Variants in SATB2 observed in about 807,000 individuals in gnomAD.
SATB2 encodes SATB homeobox 2.
A neutral mutation model predicts 73.4 loss-of-function variants in SATB2; 1 was observed. The ratio of observed to expected loss-of-function variants is 0.01; its 90% CI spans 0.00 to 0.06. The LOEUF (loss-of-function observed/expected upper bound fraction) is 0.06. Among genes scored for constraint, SATB2 ranks in the 10% least tolerant of loss-of-function variants. The pLI is 1.00. For missense variants in SATB2, 459 were observed against 945.8 expected (o/e 0.49, Z 6.75); for synonymous variants, 397 against 367.0 (o/e 1.08, Z -0.93).
chr2:199,415,323 TA>T (rs1389518610), intron 3 of SATB2, among the ~76,000 whole-genome samples: 5 of 152,188 alleles, frequency 3.3e-5, no homozygotes, highest in African/African-American at 4.8e-5. Flanking sequence ...TAAAACAAAG[TA>T]ACTGTTGTAC....
At chr2:199,276,373 GT>G (rs1222009074) in intron 10 of SATB2, among the ~76,000 whole-genome samples, 10 of 152,058 alleles carry the variant, frequency 6.6e-5, no homozygotes, top group Admixed American at 6.6e-4. Flanking sequence ...GTTTTGTTTT[GT>G]TTTTTGTCTG....
chr2:199,282,901 C>T (rs1004974483), intron 10 of SATB2, among the ~76,000 whole-genome samples: 1 of 152,148 alleles, frequency 6.6e-6, no homozygotes, highest in Non-Finnish European at 1.5e-5. Context: ...GCATATGTTA[C>T]ATGAAATTGA....
intron 6 of SATB2, among the ~76,000 whole-genome samples, chr2:199,366,588 T>A (rs1446752187): frequency 6.6e-6 from 1 of 152,020 alleles, no homozygotes; most frequent in Non-Finnish European, 1.5e-5. Context: ...GCAGCTTGTG[T>A]TTACTTCACA....
chr2:199,272,665 T>A lies in SATB2; in HGVS notation c.1748A>T (p.His583Leu). The A allele has an allele frequency of 6.2e-7, 1 of 1,613,934 alleles. No individual in the cohort carries two copies. The highest frequency in any genetic ancestry group is 8.5e-7 in the Non-Finnish European group (1 of 1,179,830). The stretch of plus-strand genomic sequence containing the variant: ...CTTGGCTGGCTGAGACTGCTGTCTA[T>A]GAAGTACCTGATAATTAAGAGAGAA... ...QLPPEPVQVLHRQQSQPAKES... is the reference protein window; with the variant it reads ...QLPPEPVQVLLRQQSQPAKES... Residue 583 changes from histidine to leucine, a missense_variant, in exon 11 of 11, where the codon CAT (histidine) becomes CTT (leucine). Physicochemically the swap from His to Leu is moderately conservative, Grantham distance 99 (BLOSUM62 -3). Coordinates refer to ENST00000417098, the MANE Select transcript of SATB2 (RefSeq NM_001172509.2). This position sits in a 1 kb window ranked among gnomAD's most constrained non-coding sequence, Gnocchi z 6.7.
chr2:199,361,021 T>C (rs1029870646), intron 6 of SATB2, among the ~76,000 whole-genome samples: 5 of 152,112 alleles, frequency 3.3e-5, no homozygotes, highest in African/African-American at 1.2e-4. Context: ...CCTGGCCCTT[T>C]TCCTCTCAAA....
chr2:199,427,332 CA>C (rs898153540), intron 3 of SATB2, among the ~76,000 whole-genome samples: 19 of 144,828 alleles, frequency 1.3e-4, no homozygotes, highest in African/African-American at 3.8e-4. Flanking sequence ...CCCATAGATT[CA>C]AAAAAAAAAT....
At chr2:199,356,225 C>CAAAAAAAAAAACA in intron 6 of SATB2, among the ~76,000 whole-genome samples, 1 of 100,978 alleles carries the variant, frequency 9.9e-6, no homozygotes, top group Non-Finnish European at 1.8e-5. Context: ...GAACATAAGC[C>CAAAAAAAAAAACA]AAAAAAAAAA....
At chr2:199,318,867 A>G (rs1488928451) in intron 9 of SATB2, among the ~76,000 whole-genome samples, 1 of 152,160 alleles carries the variant, frequency 6.6e-6, no homozygotes, top group East Asian at 1.9e-4. Flanking sequence ...CTGTCAAGCA[A>G]ATTAGACCAC....
rs192332939 is a variant in SATB2, at chr2:199,438,516, C to A, written c.170-5002G>T. Among the ~76,000 whole-genome samples, 3 of 152,286 alleles carry A rather than the reference C, an allele frequency of 2.0e-5. No homozygotes were observed. The East Asian group carries it at 5.8e-4, about 29-fold the overall frequency. ...ATTACTAACTATATTAATCCAACTT[C>A]TTTTATTAGGGAACAGCTCTTTCCC... On this transcript the variant is annotated intron_variant, in intron 2 of 10. Coordinates refer to ENST00000417098, the MANE Select transcript of SATB2 (RefSeq NM_001172509.2).
At chr2:199,300,213 C>T (rs1000320078) in intron 10 of SATB2, among the ~76,000 whole-genome samples, 5 of 150,684 alleles carry the variant, frequency 3.3e-5, no homozygotes, top group African/African-American at 9.8e-5. Flanking sequence ...AGGAAGGAAG[C>T]GGAAGGGGAA....
At chr2:199,282,071 CAG>C in intron 10 of SATB2, among the ~76,000 whole-genome samples, 1 of 152,100 alleles carries the variant, frequency 6.6e-6, no homozygotes, top group Non-Finnish European at 1.5e-5. Flanking sequence ...TTAGTAGAAA[CAG>C]TGTTTCACCA....
At chr2:199,448,633 A>C (rs1692033809) in intron 2 of SATB2, among the ~76,000 whole-genome samples, 1 of 152,170 alleles carries the variant, frequency 6.6e-6, no homozygotes, top group East Asian at 1.9e-4. Context: ...TTTATATATT[A>C]TATACATAAA....
chr2:199,451,066 C>G (rs1049278354), intron 2 of SATB2, among the ~76,000 whole-genome samples: 1 of 149,910 alleles, frequency 6.7e-6, no homozygotes, highest in African/African-American at 2.5e-5. Flanking sequence ...AAAACAGATG[C>G]CTTAAGGGAC....
At chr2:199,358,110 C>T (rs568564393) in intron 6 of SATB2, among the ~76,000 whole-genome samples, 2 of 149,484 alleles carry the variant, frequency 1.3e-5, no homozygotes, top group South Asian at 4.8e-4. Flanking sequence ...GTCAACAACC[C>T]CACTGTCCAC....
chr2:199,365,770 A>G (rs1689265365), intron 6 of SATB2, among the ~76,000 whole-genome samples: 1 of 152,152 alleles, frequency 6.6e-6, no homozygotes, highest in East Asian at 1.9e-4. Flanking sequence ...CATTGACTAT[A>G]GAATTTGCAA....
At chr2:199,420,208 T>C (rs992262638) in intron 3 of SATB2, among the ~76,000 whole-genome samples, 2 of 152,178 alleles carry the variant, frequency 1.3e-5, no homozygotes, top group Non-Finnish European at 2.9e-5. Context: ...ATGAAGATAA[T>C]TATGCTTATG....
At chr2:199,401,909 T>C (rs527501007) in intron 3 of SATB2, among the ~76,000 whole-genome samples, 2 of 152,324 alleles carry the variant, frequency 1.3e-5, no homozygotes, top group South Asian at 2.1e-4. Flanking sequence ...TTATTTAGTT[T>C]CTGTATTTAA....
intron 6 of SATB2, among the ~76,000 whole-genome samples, chr2:199,361,235 G>T (rs1234835893): frequency 6.6e-6 from 1 of 151,978 alleles, no homozygotes; most frequent in African/African-American, 2.4e-5. Flanking sequence ...CGTCTCCATT[G>T]GTATTGTCTT....
In SATB2 at chr2:199,464,148, C is replaced by T. The variant is rs990087411; in HGVS notation, c.-141+688G>A. Among the ~76,000 whole-genome samples, 2 of 152,168 alleles carry T rather than the reference C, an allele frequency of 1.3e-5. No individual in the cohort carries two copies. Among genetic ancestry groups the T allele is most frequent in the Non-Finnish European group, 1.5e-5 (1 of 68,036 alleles). On this transcript the variant is annotated intron_variant, in intron 1 of 11. Transcript: ENST00000260926. The surrounding 1 kb of genome is among the most constrained non-coding windows in gnomAD (Gnocchi z 6.6). ...GTTTTCTCGGTATCACGAATCCCCT[C>T]GGACACCGTTTCAGTCCGTCAAGAC...
Sources: allele counts gnomAD v4.1 joint callset (sites outside exome capture counted in the v4.1 genomes callset), GRCh38; gene constraint gnomAD v4.1.1; non-coding constraint Gnocchi (gnomAD v3.1); transcripts MANE v1.5; gene names NCBI Gene and HGNC (gene_info 2026-07-23, HGNC 2026-07-21).